CLSTN2: variants seen among roughly 807,000 people sequenced by gnomAD.
CLSTN2 encodes calsyntenin 2, also known as calsyntenin-2.
In CLSTN2, 48 loss-of-function variants were observed where a neutral mutation model predicts 101.2. The ratio of observed to expected loss-of-function variants is 0.47; its 90% CI spans 0.38 to 0.60. The LOEUF is 0.60. Ranked by LOEUF, CLSTN2 falls within the 20% of genes least tolerant of loss-of-function variation. CLSTN2 has a pLI of 0.00. For synonymous variants in CLSTN2, 481 were observed against 463.6 expected, an observed-to-expected ratio of 1.04 and a Z score of -0.48; for missense variants, 1,160 against 1,238.2, an observed-to-expected ratio of 0.94 and a Z score of 0.95.
intron 2 of CLSTN2, among the ~76,000 whole-genome samples, chr3:140,266,869 G>C (rs939471871): frequency 6.6e-6 from 1 of 152,204 alleles, no homozygotes; most frequent in Non-Finnish European, 1.5e-5. Flanking sequence ...AGCACGAAAA[G>C]AGCTATGGCA....
intron 2 of CLSTN2, among the ~76,000 whole-genome samples, chr3:140,244,940 G>A (rs749108032): frequency 9.9e-5 from 15 of 152,212 alleles, no homozygotes; most frequent in Admixed American, 2.0e-4. Context: ...ATATCATGCC[G>A]TGGACTATTC....
intron 5 of CLSTN2, among the ~76,000 whole-genome samples, chr3:140,432,866 A>G (rs2088648832): frequency 6.6e-6 from 1 of 152,150 alleles, no homozygotes. Flanking sequence ...AATCATTACC[A>G]CTCACTGAGC....
intron 2 of CLSTN2, among the ~76,000 whole-genome samples, chr3:140,350,298 C>T (rs2087591984): frequency 6.6e-6 from 1 of 152,238 alleles, no homozygotes; most frequent in South Asian, 2.1e-4. Context: ...AGAGGAGTTT[C>T]ACTCATGCAA....
intron 4 of CLSTN2, 73 bp from the exon 5 acceptor site, chr3:140,421,052 G>C: frequency 6.7e-7 from 1 of 1,482,538 alleles, no homozygotes; most frequent in Non-Finnish European, 9.2e-7. Flanking sequence ...GGGTGGAGTG[G>C]AGAAGAGATT....
At chr3:140,103,801 A>G (rs1412036860) in intron 1 of CLSTN2, among the ~76,000 whole-genome samples, 1 of 152,236 alleles carries the variant, frequency 6.6e-6, no homozygotes, top group Non-Finnish European at 1.5e-5. Flanking sequence ...ACCTTGTCCC[A>G]GTTGGGCTCT....
intron 1 of CLSTN2, among the ~76,000 whole-genome samples, chr3:139,947,479 G>A (rs1026305460): frequency 6.6e-6 from 1 of 152,134 alleles, no homozygotes; most frequent in African/African-American, 2.4e-5. Context: ...CAAAGATGCT[G>A]GAGAGTGAGA....
At chr3:140,299,343 T>C (rs1457275617) in intron 2 of CLSTN2, among the ~76,000 whole-genome samples, 1 of 152,196 alleles carries the variant, frequency 6.6e-6, no homozygotes, top group African/African-American at 2.4e-5. Context: ...AAAAAAGATA[T>C]TTTAAGGTTC....
At chr3:140,126,046 G>C (rs1183909005) in intron 1 of CLSTN2, among the ~76,000 whole-genome samples, 1 of 152,128 alleles carries the variant, frequency 6.6e-6, no homozygotes, top group Non-Finnish European at 1.5e-5. Flanking sequence ...GTCAGGAATG[G>C]ATGATTGCAA....
chr3:140,173,288 T>C (rs967148520), intron 1 of CLSTN2, among the ~76,000 whole-genome samples: 5 of 152,134 alleles, frequency 3.3e-5, no homozygotes, highest in Non-Finnish European at 5.9e-5. Flanking sequence ...TCCAATATGA[T>C]CTCTTTTGAC....
At chr3:140,036,161 T>C (rs1210715640) in intron 1 of CLSTN2, among the ~76,000 whole-genome samples, 7 of 152,352 alleles carry the variant, frequency 4.6e-5, no homozygotes, top group Admixed American at 2.6e-4. Flanking sequence ...TCCTGGTGCC[T>C]GGCCTAGGAT....
At chr3:140,127,296 T>C (rs888437949) in intron 1 of CLSTN2, among the ~76,000 whole-genome samples, 12 of 152,096 alleles carry the variant, frequency 7.9e-5, no homozygotes, top group Admixed American at 6.6e-4. Context: ...TTCTCACCTG[T>C]TAGATAGCAA....
chr3:140,305,982 C>T (rs919495237), intron 2 of CLSTN2, among the ~76,000 whole-genome samples: 9 of 152,068 alleles, frequency 5.9e-5, no homozygotes, highest in South Asian at 4.2e-4. Context: ...TTGAAATCTC[C>T]GTCTCTTTAC....
At chr3:140,282,373 G>T (rs542111058) in intron 2 of CLSTN2, among the ~76,000 whole-genome samples, 2 of 152,144 alleles carry the variant, frequency 1.3e-5, no homozygotes, top group African/African-American at 2.4e-5. Flanking sequence ...CACCATGTTT[G>T]AGTGGGCCTG....
intron 2 of CLSTN2, among the ~76,000 whole-genome samples, chr3:140,285,679 T>A (rs553045940): frequency 3.7e-4 from 57 of 152,228 alleles, no homozygotes; most frequent in Non-Finnish European, 6.5e-4. Flanking sequence ...GCCTGAATAT[T>A]TGCATTTCTA....
chr3:140,485,511 A>G (rs1934218842), intron 8 of CLSTN2, among the ~76,000 whole-genome samples: 1 of 152,110 alleles, frequency 6.6e-6, no homozygotes, highest in Non-Finnish European at 1.5e-5. Flanking sequence ...AAGTCTGCAG[A>G]GGTTTCTGCT....
At chr3:140,471,323 A>T (rs556898152) in intron 8 of CLSTN2, among the ~76,000 whole-genome samples, 1 of 152,286 alleles carries the variant, frequency 6.6e-6, no homozygotes, top group African/African-American at 2.4e-5. Context: ...TGGACCTGGT[A>T]TGGTGACTGC....
intron 1 of CLSTN2, among the ~76,000 whole-genome samples, chr3:139,951,333 G>A (rs531127450): frequency 1.1e-4 from 17 of 152,306 alleles, no homozygotes; most frequent in African/African-American, 4.1e-4. Context: ...TTGGGGAAAA[G>A]AGGAAAATGT....
chr3:140,541,480 A>G (rs1055585289), intron 9 of CLSTN2, among the ~76,000 whole-genome samples: 1 of 152,170 alleles, frequency 6.6e-6, no homozygotes, highest in Non-Finnish European at 1.5e-5. Flanking sequence ...TTTTCCATGC[A>G]TTGTGGAAAT....
chr3:140,444,994 G>A (rs918964894), intron 5 of CLSTN2, among the ~76,000 whole-genome samples: 5 of 152,140 alleles, frequency 3.3e-5, no homozygotes, highest in African/African-American at 4.8e-5. Context: ...TTGTGTGAGC[G>A]TCTCACTCTC....
Sources: allele counts gnomAD v4.1 joint callset (sites outside exome capture counted in the v4.1 genomes callset), GRCh38; gene constraint gnomAD v4.1.1; transcripts MANE v1.5; gene names NCBI Gene and HGNC (gene_info 2026-07-23, HGNC 2026-07-21).